Variants in VPS50 observed in about 807,000 individuals in gnomAD.
The protein encoded by VPS50 is VPS50 subunit of EARP/GARPII complex.
In VPS50, 70 loss-of-function variants were observed where a neutral mutation model predicts 139.7. The observed-to-expected ratio is 0.50, with a 90% CI of 0.41 to 0.61. The LOEUF is 0.61. VPS50 is among the 20% of genes least tolerant of loss of function. The pLI is 0.00. For missense variants in VPS50, 921 were observed against 1,133.7 expected (o/e 0.81, Z 2.69); for synonymous variants, 365 against 376.7 (o/e 0.97, Z 0.36).
chr7:93,304,420 A>C (rs558773981), intron 17 of VPS50, among the ~76,000 whole-genome samples: 3 of 151,912 alleles, frequency 2.0e-5, no homozygotes, highest in African/African-American at 7.2e-5. Flanking sequence ...CTATTATAGA[A>C]ATATTAAAAA....
chr7:93,357,127 G>C (rs904196914), intron 27 of VPS50, among the ~76,000 whole-genome samples: 3 of 152,156 alleles, frequency 2.0e-5, no homozygotes, highest in Non-Finnish European at 2.9e-5. Context: ...CAGATAGACT[G>C]CTTAATGTTG....
At chr7:93,237,359 C>CGG (rs111847844) in intron 1 of VPS50, among the ~76,000 whole-genome samples, 10 of 152,290 alleles carry the variant, frequency 6.6e-5, no homozygotes, top group African/African-American at 2.4e-4. Flanking sequence ...GATACAAACT[C>CGG]AAGTGGTCTG....
At chr7:93,328,100 TC>T (rs1310157386) in intron 21 of VPS50, among the ~76,000 whole-genome samples, 5 of 152,216 alleles carry the variant, frequency 3.3e-5, no homozygotes, top group Admixed American at 2.0e-4. Context: ...TACCTCATGC[TC>T]TATTTTATAT....
At chr7:93,356,400 T>C (rs993103490) in intron 27 of VPS50, among the ~76,000 whole-genome samples, 3 of 152,166 alleles carry the variant, frequency 2.0e-5, no homozygotes, top group African/African-American at 7.2e-5. Flanking sequence ...TGATAAATAC[T>C]GAGACAGATT....
chr7:93,351,409 T>C (rs1412034496), intron 25 of VPS50, among the ~76,000 whole-genome samples: 1 of 152,192 alleles, frequency 6.6e-6, no homozygotes, highest in Non-Finnish European at 1.5e-5. Flanking sequence ...TTCTATTTTT[T>C]ATGACATGCT....
chr7:93,318,843 T>C (rs1045008538), intron 20 of VPS50, among the ~76,000 whole-genome samples: 17 of 152,174 alleles, frequency 1.1e-4, no homozygotes, highest in African/African-American at 4.1e-4. Flanking sequence ...ACAAACAACA[T>C]CGGTTCTCTT....
intron 17 of VPS50, among the ~76,000 whole-genome samples, chr7:93,305,071 ATGTT>A (rs1256433833): frequency 1.3e-5 from 2 of 151,948 alleles, no homozygotes; most frequent in African/African-American, 2.4e-5. Context: ...TAAAAGAAAA[ATGTT>A]TGTTAAATTT....
At chr7:93,272,803 A>G in intron 11 of VPS50, 70 bp downstream of exon 11, 1 of 703,558 alleles carries the variant, frequency 1.4e-6, no homozygotes, top group Non-Finnish European at 2.5e-6. Flanking sequence ...TTAAGTCTGA[A>G]TATTATTAAT....
chr7:93,252,697 T>C lies in VPS50; in HGVS notation c.147T>C (p.Ala49=). ...GAGAACAGCCAAGTGACCCTCAAGC[T>C]GAACAAGAGCTTATTAATAGTATTG... is the stretch of plus-strand genomic sequence containing the variant. ...ELREQPSDPQ[A]EQELINSIEQ... Residue 49 remains alanine (A), a synonymous_variant, in exon 3 of 28, where the codon GCT becomes GCC. Transcript: ENST00000305866. 1 of 1,601,592 alleles carries C rather than the reference T, an allele frequency of 6.2e-7. No individual in the cohort carries two copies. Among genetic ancestry groups the C allele is most frequent in the Non-Finnish European group, 8.5e-7 (1 of 1,171,022 alleles).
At chr7:93,345,231 G>A (rs1798355222) in intron 23 of VPS50, among the ~76,000 whole-genome samples, 1 of 152,202 alleles carries the variant, frequency 6.6e-6, no homozygotes, top group Admixed American at 6.5e-5. Flanking sequence ...AAATCTAGAA[G>A]AAATGGATAA....
At chr7:93,322,381 C>T (rs941739107) in intron 20 of VPS50, among the ~76,000 whole-genome samples, 3 of 151,838 alleles carry the variant, frequency 2.0e-5, no homozygotes, top group Admixed American at 6.6e-5. Flanking sequence ...GGGCGGATCA[C>T]GAGGTCAGGA....
intron 26 of VPS50, 65 bp downstream of exon 26, chr7:93,353,826 C>T (rs564501556): frequency 3.0e-5 from 37 of 1,238,692 alleles, no homozygotes; most frequent in Middle Eastern, 4.7e-4. Flanking sequence ...GAATAACATA[C>T]GGTATTAATG....
chr7:93,353,727 T>C lies in VPS50; in HGVS notation c.2551T>C (p.Cys851Arg). 1 of 1,610,930 alleles carries C rather than the reference T, an allele frequency of 6.2e-7. No homozygotes were observed. Among genetic ancestry groups the C allele is most frequent in the African/African-American group, 1.3e-5 (1 of 74,964 alleles). Residue 851 changes from cysteine (C) to arginine (R), a missense_variant, in exon 26 of 28, where the codon TGT becomes CGT. Coordinates refer to ENST00000305866, the MANE Select transcript of VPS50 (RefSeq NM_017667.4). ...LPVSNILWEHCIRLANRTIVE... is the reference protein window; with the variant it reads ...LPVSNILWEHRIRLANRTIVE... ...TGTGTCTAATATACTTTGGGAACATTGTATACGATTGGCTAATCGAACTAT... is the reference window on the plus strand; with the variant it reads ...TGTGTCTAATATACTTTGGGAACATCGTATACGATTGGCTAATCGAACTAT...
intron 20 of VPS50, among the ~76,000 whole-genome samples, chr7:93,317,547 A>T (rs1333826599): frequency 1.3e-5 from 2 of 152,160 alleles, no homozygotes; most frequent in Non-Finnish European, 1.5e-5. Context: ...ACAGGGCAAG[A>T]CTCTGTCTCA....
intron 12 of VPS50, among the ~76,000 whole-genome samples, chr7:93,276,975 G>A (rs1344401929): frequency 6.6e-6 from 1 of 152,166 alleles, no homozygotes; most frequent in African/African-American, 2.4e-5. Context: ...GGACGCAGTT[G>A]CATAGAAGAA....
chr7:93,303,623 T>C (rs2285503), intron 17 of VPS50, 73 bp downstream of exon 17: 1 of 623,178 alleles, frequency 1.6e-6, no homozygotes, highest in Admixed American at 2.6e-5. Context: ...AAAAAAAAAA[T>C]CCAGAAATAT....
Position 93,297,195 on chromosome 7 carries a change from A to G in VPS50, c.1313A>G (p.Gln438Arg). ...TGTGGTAGCAAGTCTGAAGTTTTAC[A>G]GGAATCTATTAGAAAACAAAGTGTC... is the stretch of plus-strand genomic sequence containing the variant. Reference protein sequence around the residue: ...EFCGSKSEVLQESIRKQSVNY... With the variant: ...EFCGSKSEVLRESIRKQSVNY... Residue 438 changes from glutamine (Q) to arginine (R), a missense_variant, in exon 16 of 28, where the codon CAG becomes CGG. Physicochemically the swap from Gln to Arg is conservative, Grantham distance 43. Around this residue, in one of 3 missense-constraint regions of VPS50, gnomAD observed 744 missense variants for 930.6 expected, o/e 0.80. Transcript: ENST00000305866. The G allele has an allele frequency of 6.4e-7, 1 of 1,566,662 alleles. No individual in the cohort carries two copies. The highest frequency in any genetic ancestry group is 1.2e-5 in the South Asian group (1 of 80,628).
At chr7:93,358,258 G>T (rs1798762085) in intron 27 of VPS50, 59 bp from the exon 28 acceptor site, 1 of 1,517,870 alleles carries the variant, frequency 6.6e-7, no homozygotes, top group African/African-American at 1.4e-5. Flanking sequence ...TTCTTTTGTT[G>T]CACTGATCAG....
chr7:93,354,444 C>T (rs1798643200), intron 26 of VPS50, among the ~76,000 whole-genome samples: 2 of 151,954 alleles, frequency 1.3e-5, no homozygotes, highest in Non-Finnish European at 2.9e-5. Context: ...CAGGTGTGTG[C>T]CACCATGCCC....
Sources: allele counts gnomAD v4.1 joint callset (sites outside exome capture counted in the v4.1 genomes callset), GRCh38; gene constraint gnomAD v4.1.1; regional missense constraint gnomAD v4.1.1; transcripts MANE v1.5; gene names NCBI Gene and HGNC (gene_info 2026-07-23, HGNC 2026-07-21).